Variants in ARHGAP32 observed in about 807,000 individuals in gnomAD.
ARHGAP32 encodes Rho GTPase activating protein 32, also known as rho GTPase-activating protein 32.
Under a neutral mutation model 186.5 loss-of-function variants are expected in ARHGAP32, and 51 were observed. That is an observed-to-expected ratio of 0.27 (90% CI 0.22 to 0.35). The LOEUF (loss-of-function observed/expected upper bound fraction) is 0.35, where lower values mean the gene tolerates loss of function less well. Among genes scored for constraint, ARHGAP32 ranks in the 10% least tolerant of loss-of-function variants. The pLI is 1.00. For synonymous variants in ARHGAP32, 950 were observed against 964.3 expected, an observed-to-expected ratio of 0.99 and a Z score of 0.27; for missense variants, 2,186 against 2,623.5, an observed-to-expected ratio of 0.83 and a Z score of 3.64.
intron 2 of ARHGAP32, among the ~76,000 whole-genome samples, chr11:129,156,891 A>C (rs1430307491): frequency 6.6e-6 from 1 of 152,182 alleles, no homozygotes; most frequent in Non-Finnish European, 1.5e-5. Flanking sequence ...AACACACAGC[A>C]AACTTTGCTG....
chr11:129,227,535 TTAAATA>T (rs1944802613), intron 1 of ARHGAP32, among the ~76,000 whole-genome samples: 3 of 150,940 alleles, frequency 2.0e-5, no homozygotes, highest in Non-Finnish European at 3.0e-5. Flanking sequence ...GAAACACACT[TTAAATA>T]TAAAGACATG....
exon 1 of ARHGAP32, chr11:129,279,184 G>A (rs1474188171): frequency 1.4e-5 from 2 of 144,306 alleles, no homozygotes; most frequent in African/African-American, 5.0e-5. Context: ...CGGCGTCCCT[G>A]CGCCCCGCTG....
intron 1 of ARHGAP32, among the ~76,000 whole-genome samples, chr11:129,201,986 C>G (rs1192673778): frequency 6.6e-6 from 1 of 151,874 alleles, no homozygotes; most frequent in Non-Finnish European, 1.5e-5. Context: ...CTGTCTCTGT[C>G]TGTCTGTCTG....
At chr11:129,052,291 ACT>A (rs1328896185) in intron 10 of ARHGAP32, among the ~76,000 whole-genome samples, 3 of 151,528 alleles carry the variant, frequency 2.0e-5, no homozygotes, top group Non-Finnish European at 4.4e-5. Context: ...CCAATACCAC[ACT>A]CTCTTGAAAA....
chr11:129,123,832 A>G lies in ARHGAP32; in HGVS notation c.359+56T>C. Reference sequence around the variant, plus strand: ...TCGGCAAATGTTATGGAAACTGTGGACAGCCAGCTTCTAACCAGAAGCATT... The same window carrying G: ...TCGGCAAATGTTATGGAAACTGTGGGCAGCCAGCTTCTAACCAGAAGCATT... On this transcript the variant is annotated intron_variant, in intron 4 of 22. Coordinates refer to ENST00000682385, the MANE Select transcript of ARHGAP32 (RefSeq NM_001378024.1). The surrounding 1 kb of genome is among the most constrained non-coding windows in gnomAD (Gnocchi z 4.6). 3 of 1,271,672 alleles carry G rather than the reference A, an allele frequency of 2.4e-6. No homozygotes were observed. The highest frequency in any genetic ancestry group is 3.1e-6 in the Non-Finnish European group (3 of 974,474). 78.8% of individuals were successfully genotyped at this position (1,271,672 alleles called of 1,614,324 possible).
chr11:129,104,449 T>A (rs1051444285), intron 5 of ARHGAP32, among the ~76,000 whole-genome samples: 1 of 151,964 alleles, frequency 6.6e-6, no homozygotes, highest in Non-Finnish European at 1.5e-5. Context: ...TTAAATTAGG[T>A]TTTTGAGTTA....
chr11:129,279,623 G>C (rs1182592850), upstream of ARHGAP32, among the ~76,000 whole-genome samples: 1 of 146,054 alleles, frequency 6.8e-6, no homozygotes, highest in African/African-American at 2.5e-5. Flanking sequence ...GCCCGCAGCG[G>C]GGAGAAGAGG....
At chr11:129,249,386 A>G (rs1159696214) in intron 1 of ARHGAP32, among the ~76,000 whole-genome samples, 1 of 152,222 alleles carries the variant, frequency 6.6e-6, no homozygotes, top group Non-Finnish European at 1.5e-5. Context: ...CAGAAGTATC[A>G]ATTCGAAAGG....
chr11:129,094,178 G>A (rs747647632), intron 5 of ARHGAP32, among the ~76,000 whole-genome samples: 22 of 151,938 alleles, frequency 1.4e-4, no homozygotes, highest in Non-Finnish European at 2.8e-4. Context: ...GCACAACAAG[G>A]TGACTATAGT....
chr11:129,246,350 A>T (rs1204603378), intron 1 of ARHGAP32, among the ~76,000 whole-genome samples: 1 of 152,220 alleles, frequency 6.6e-6, no homozygotes, highest in Non-Finnish European at 1.5e-5. Context: ...TCAGTTAGAA[A>T]AAGTAATAGC....
At chr11:129,224,929 T>C (rs962479817) in intron 1 of ARHGAP32, among the ~76,000 whole-genome samples, 3 of 151,942 alleles carry the variant, frequency 2.0e-5, no homozygotes, top group African/African-American at 4.8e-5. Context: ...CTGGACAACA[T>C]AGCAAGACTC....
intron 11 of ARHGAP32, among the ~76,000 whole-genome samples, chr11:129,017,904 A>C (rs1040234353): frequency 6.6e-6 from 1 of 152,136 alleles, no homozygotes; most frequent in Non-Finnish European, 1.5e-5. Flanking sequence ...ACAAGTGTTG[A>C]CCTTTATCAA....
intron 2 of ARHGAP32, among the ~76,000 whole-genome samples, chr11:129,143,925 T>C (rs1002048891): frequency 2.0e-5 from 3 of 152,192 alleles, no homozygotes; most frequent in Non-Finnish European, 2.9e-5. Context: ...TGTTCATTAC[T>C]ATCTGCAGTT....
Position 129,063,962 on chromosome 11 carries a change from G to A in ARHGAP32, c.825C>T (p.Val275=), listed in dbSNP as rs201818251. 27 of 1,612,616 alleles carry A rather than the reference G, an allele frequency of 1.7e-5. No individual in the cohort carries two copies. Among genetic ancestry groups the A allele is most frequent in the South Asian group, 4.4e-5 (4 of 90,962 alleles). ...HEESSINTPA[V]GAAHVIKRYT... is the part of the protein sequence containing the mutation. ...ACCTCTTGATAACATGGGCAGCACC[G>A]ACAGCAGGAGTGTTGATGGATGACT... Residue 275 remains valine, a synonymous_variant, in exon 9 of 23, where the codon GTC becomes GTT. Coordinates refer to ENST00000682385, the MANE Select transcript of ARHGAP32 (RefSeq NM_001378024.1).
At chr11:129,202,030 G>A (rs1006569537) in intron 1 of ARHGAP32, among the ~76,000 whole-genome samples, 3 of 151,604 alleles carry the variant, frequency 2.0e-5, no homozygotes, top group Admixed American at 6.6e-5. Flanking sequence ...ATATATATAT[G>A]TGTGTGTATA....
chr11:129,105,265 TG>T (rs1241475589), intron 5 of ARHGAP32, among the ~76,000 whole-genome samples: 2 of 152,128 alleles, frequency 1.3e-5, no homozygotes, highest in Non-Finnish European at 2.9e-5. Flanking sequence ...CCTGGGTATA[TG>T]GAAGTATTTT....
intron 10 of ARHGAP32, among the ~76,000 whole-genome samples, chr11:129,060,275 C>T (rs968571257): frequency 1.3e-5 from 2 of 151,814 alleles, no homozygotes; most frequent in African/African-American, 4.8e-5. Context: ...AAGTGAAACC[C>T]TCTGATTTTA....
At chr11:129,077,222 A>T (rs1181908294) in intron 6 of ARHGAP32, among the ~76,000 whole-genome samples, 1 of 152,154 alleles carries the variant, frequency 6.6e-6, no homozygotes, top group East Asian at 1.9e-4. Flanking sequence ...AGGAAAAAGG[A>T]AAGTTCCAGC....
intron 2 of ARHGAP32, among the ~76,000 whole-genome samples, chr11:129,146,357 G>C (rs982527209): frequency 6.6e-6 from 1 of 152,068 alleles, no homozygotes; most frequent in Non-Finnish European, 1.5e-5. Context: ...ATTTCGAATA[G>C]TGCAATGAAA....
Sources: allele counts gnomAD v4.1 joint callset (sites outside exome capture counted in the v4.1 genomes callset), GRCh38; gene constraint gnomAD v4.1.1; non-coding constraint Gnocchi (gnomAD v3.1); transcripts MANE v1.5; gene names NCBI Gene and HGNC (gene_info 2026-07-23, HGNC 2026-07-21).